IL1RAPL1: variants seen among roughly 807,000 people sequenced by gnomAD.
The protein encoded by IL1RAPL1 is interleukin 1 receptor accessory protein like 1, also known as interleukin-1 receptor accessory protein-like 1.
In IL1RAPL1, 3 loss-of-function variants were observed where a neutral mutation model predicts 48.4. The ratio of observed to expected loss-of-function variants is 0.06; its 90% confidence interval spans 0.03 to 0.16. IL1RAPL1 has a LOEUF of 0.16. Ranked by LOEUF, IL1RAPL1 falls within the 10% of genes least tolerant of loss-of-function variation. IL1RAPL1 has a pLI of 1.00. For synonymous variants in IL1RAPL1, 185 were observed against 187.7 expected (o/e 0.99, Z 0.12); for missense variants, 349 against 530.6 (o/e 0.66, Z 3.36).
At chrX:29,720,995 G>A (rs776946584) in intron 6 of IL1RAPL1, among the ~76,000 whole-genome samples, 1 of 112,261 alleles carries the variant, frequency 8.9e-6, no homozygotes, top group South Asian at 3.7e-4. Context: ...TCCAAAGCCA[G>A]TAGTGCTCTT....
At chrX:29,157,038 T>C (rs1422730817) in intron 2 of IL1RAPL1, among the ~76,000 whole-genome samples, 1 of 111,566 alleles carries the variant, frequency 9.0e-6, no homozygotes, top group Non-Finnish European at 1.9e-5. Context: ...AAAAAGATCC[T>C]TGGAGTTAAA....
intron 5 of IL1RAPL1, among the ~76,000 whole-genome samples, chrX:29,417,324 A>G (rs1381258365): frequency 8.9e-6 from 1 of 112,281 alleles, no homozygotes; most frequent in Non-Finnish European, 1.9e-5. Context: ...CTTTTGCATC[A>G]TAAGAGATTT....
chrX:29,442,160 T>C (rs1018394102), intron 5 of IL1RAPL1, among the ~76,000 whole-genome samples: 1 of 111,754 alleles, frequency 8.9e-6, no homozygotes, highest in Non-Finnish European at 1.9e-5. Context: ...TTTCAAACTA[T>C]ACTATAATGC....
chrX:29,488,269 C>A (rs1275299812), intron 5 of IL1RAPL1, among the ~76,000 whole-genome samples: 8 of 111,713 alleles, frequency 7.2e-5, no homozygotes, highest in African/African-American at 2.6e-4. Flanking sequence ...GAAACCCCGT[C>A]TCTACTAAAA....
intron 2 of IL1RAPL1, among the ~76,000 whole-genome samples, chrX:28,831,751 A>AT (rs1312350985): frequency 1.8e-5 from 2 of 110,857 alleles, no homozygotes; most frequent in South Asian, 3.8e-4. Context: ...AATTTTCTGG[A>AT]TTTTTTTATT....
At chrX:29,195,352 A>G (rs896824242) in intron 2 of IL1RAPL1, among the ~76,000 whole-genome samples, 1 of 110,976 alleles carries the variant, frequency 9.0e-6, no homozygotes, top group Non-Finnish European at 1.9e-5. Context: ...ATAAAGTGCT[A>G]TGGAAGACCA....
intron 2 of IL1RAPL1, among the ~76,000 whole-genome samples, chrX:29,010,474 A>C (rs1015978787): frequency 1.9e-4 from 21 of 111,766 alleles, no homozygotes; most frequent in African/African-American, 6.2e-4. Context: ...TTTCATCGAA[A>C]GCTTTTTCCA....
intron 2 of IL1RAPL1, among the ~76,000 whole-genome samples, chrX:28,802,881 C>T (rs1936691535): frequency 9.0e-6 from 1 of 111,381 alleles, no homozygotes; most frequent in African/African-American, 3.3e-5. Flanking sequence ...GAGAAATAAA[C>T]ATGGGAAGAA....
chrX:28,953,663 C>G (rs1461552463), intron 2 of IL1RAPL1, among the ~76,000 whole-genome samples: 2 of 111,046 alleles, frequency 1.8e-5, no homozygotes, highest in Non-Finnish European at 3.8e-5. Flanking sequence ...TGTGTCTAAA[C>G]TTTTTAGTAC....
intron 6 of IL1RAPL1, among the ~76,000 whole-genome samples, chrX:29,803,344 T>TACATGTATACAC (rs1174447798): frequency 1.3e-5 from 1 of 75,018 alleles, no homozygotes; most frequent in African/African-American, 6.1e-5. Context: ...CACATATGTA[T>TACATGTATACAC]ATATGTATAC....
At chrX:28,881,051 A>G (rs181707071) in intron 2 of IL1RAPL1, among the ~76,000 whole-genome samples, 169 of 111,110 alleles carry the variant, frequency 1.5e-3, no homozygotes, top group Non-Finnish European at 2.8e-3. Flanking sequence ...TTGTGGAGGT[A>G]TTCCCACCAA....
chrX:28,921,989 A>G (rs769593784), intron 2 of IL1RAPL1, among the ~76,000 whole-genome samples: 6 of 111,653 alleles, frequency 5.4e-5, no homozygotes, highest in Non-Finnish European at 1.1e-4. Context: ...TCTGTGGGGA[A>G]AAAACTTGCC....
At chrX:28,608,388 C>G (rs756273415) in intron 1 of IL1RAPL1, among the ~76,000 whole-genome samples, 8 of 112,013 alleles carry the variant, frequency 7.1e-5, no homozygotes, top group Non-Finnish European at 1.3e-4. Flanking sequence ...AATGACAGGC[C>G]TTTCAAACTA....
intron 2 of IL1RAPL1, among the ~76,000 whole-genome samples, chrX:28,792,100 C>A (rs1936544575): frequency 8.9e-6 from 1 of 111,814 alleles, no homozygotes; most frequent in African/African-American, 3.3e-5. Context: ...TTTGTCTTAT[C>A]ATTTAATTCT....
chrX:29,929,345 T>C (rs1159172807), intron 8 of IL1RAPL1, among the ~76,000 whole-genome samples: 1 of 111,834 alleles, frequency 8.9e-6, no homozygotes, highest in East Asian at 2.8e-4. Flanking sequence ...CTTTGTGTCA[T>C]TGTTCTTCAG....
chrX:29,111,395 C>T (rs181184663), intron 2 of IL1RAPL1, among the ~76,000 whole-genome samples: 22 of 112,216 alleles, frequency 2.0e-4, no homozygotes, highest in African/African-American at 4.2e-4. Context: ...ACATTTTCTC[C>T]GAGGTGCCTC....
chrX:28,979,785 A>C (rs1925286729), intron 2 of IL1RAPL1, among the ~76,000 whole-genome samples: 1 of 112,023 alleles, frequency 8.9e-6, no homozygotes, highest in South Asian at 3.7e-4. Context: ...CCCTTTGGCA[A>C]TGGCAATGTA....
intron 2 of IL1RAPL1, among the ~76,000 whole-genome samples, chrX:28,887,842 T>C (rs1427416378): frequency 9.0e-6 from 1 of 111,089 alleles, no homozygotes; most frequent in Non-Finnish European, 1.9e-5. Flanking sequence ...GAAAAGAATG[T>C]GGTTAAAAAA....
chrX:29,354,991 G>C lies in IL1RAPL1; in HGVS notation c.363-41267G>C, dbSNP rs189763577. On this transcript the variant is annotated intron_variant, in intron 3 of 10. Coordinates refer to ENST00000378993, the MANE Select transcript of IL1RAPL1 (RefSeq NM_014271.4). ...TCTTCACCTAAAAACAAAGAAAGAA[G>C]GGTATGGGGGAAACCACTTATGGGG... Among the ~76,000 whole-genome samples the C allele has an allele frequency of 4.5e-5, 5 of 111,729 alleles. No homozygotes were observed. In the Admixed American group the frequency reaches 4.7e-4, roughly 11 times the overall value.
Sources: allele counts gnomAD v4.1 joint callset (sites outside exome capture counted in the v4.1 genomes callset), GRCh38; gene constraint gnomAD v4.1.1; transcripts MANE v1.5; gene names NCBI Gene and HGNC (gene_info 2026-07-23, HGNC 2026-07-21).